GRM7: variants seen among roughly 807,000 people sequenced by gnomAD.
GRM7 encodes the protein metabotropic glutamate receptor 7.
GRM7 carries 35 observed loss-of-function variants against 84.5 expected under a neutral mutation model. That is an observed-to-expected ratio of 0.41 (90% CI 0.32 to 0.55). GRM7 has a LOEUF of 0.55. GRM7 is among the 20% of genes least tolerant of loss of function. The pLI is 0.19. For missense variants in GRM7, 1,003 were observed against 1,194.6 expected (o/e 0.84, Z 2.36); for synonymous variants, 487 against 455.1 (o/e 1.07, Z -0.89).
intron 8 of GRM7, among the ~76,000 whole-genome samples, chr3:7,602,200 G>A (rs3804877): frequency 0.17 from 25,564 of 151,914 alleles, 2,473 homozygotes; most frequent in Middle Eastern, 0.28. Context: ...CCTGGCTTTG[G>A]TGCCCTTGGA....
chr3:6,912,107 A>G (rs2125018612), intron 1 of GRM7, among the ~76,000 whole-genome samples: 1 of 152,268 alleles, frequency 6.6e-6, no homozygotes, highest in Non-Finnish European at 1.5e-5. Flanking sequence ...TTTCTTCTTA[A>G]GGTTATTAAG....
chr3:7,261,560 G>A (rs1376639945), intron 2 of GRM7, among the ~76,000 whole-genome samples: 8 of 152,082 alleles, frequency 5.3e-5, no homozygotes, highest in East Asian at 3.9e-4. Flanking sequence ...TTGCCACTGC[G>A]TGTCTTTTAA....
intron 7 of GRM7, among the ~76,000 whole-genome samples, chr3:7,520,589 A>T (rs1312103658): frequency 1.3e-5 from 2 of 152,150 alleles, no homozygotes; most frequent in African/African-American, 4.8e-5. Flanking sequence ...ACTGACTCTA[A>T]CACAAGTTCA....
rs556604040 is a variant in GRM7 at position 7,455,667 on chromosome 3, A to G, written c.1375+2860A>G. 2.4e-4 allele frequency among the ~76,000 whole-genome samples: 36 copies of G among 152,296 alleles called. No homozygotes were observed. In the East Asian group the frequency reaches 3.9e-3, roughly 16 times the overall value. On this transcript the variant is annotated intron_variant, in intron 6 of 9. Coordinates refer to ENST00000357716, the MANE Select transcript of GRM7 (RefSeq NM_000844.4). Reference sequence around the variant, plus strand: ...CAAAAGTGTCCAGGTCATGAGAATAATAGATAAAGGAACTGTTTCTGACTC... The same window carrying G: ...CAAAAGTGTCCAGGTCATGAGAATAGTAGATAAAGGAACTGTTTCTGACTC...
intron 1 of GRM7, among the ~76,000 whole-genome samples, chr3:6,889,502 G>A (rs534299628): frequency 7.2e-5 from 11 of 151,932 alleles, no homozygotes; most frequent in African/African-American, 2.4e-4. Context: ...TGTGGTTTTT[G>A]TCTTTGGTTC....
chr3:7,196,299 T>A (rs1695876900), intron 2 of GRM7, among the ~76,000 whole-genome samples: 1 of 152,094 alleles, frequency 6.6e-6, no homozygotes, highest in African/African-American at 2.4e-5. Context: ...CTACTCAAAG[T>A]CCACCCATTT....
intron 1 of GRM7, among the ~76,000 whole-genome samples, chr3:7,097,888 A>T (rs554803034): frequency 6.6e-6 from 1 of 152,092 alleles, no homozygotes; most frequent in Non-Finnish European, 1.5e-5. Context: ...CATACCTTTG[A>T]CTTGCAGAAA....
At chr3:7,124,250 C>A (rs1229042444) in intron 1 of GRM7, among the ~76,000 whole-genome samples, 1 of 152,128 alleles carries the variant, frequency 6.6e-6, no homozygotes, top group East Asian at 1.9e-4. Context: ...AAGAAACATT[C>A]CAGTTTCAGG....
chr3:7,121,375 A>G (rs981829585), intron 1 of GRM7, among the ~76,000 whole-genome samples: 1 of 138,794 alleles, frequency 7.2e-6, no homozygotes, highest in Admixed American at 7.1e-5. Flanking sequence ...CCATCCATCC[A>G]TCCATCCCCT....
At chr3:7,209,512 C>A (rs568018398) in intron 2 of GRM7, among the ~76,000 whole-genome samples, 162 of 152,028 alleles carry the variant, frequency 1.1e-3, no homozygotes, top group Non-Finnish European at 1.0e-3. Flanking sequence ...AGGTCATTGC[C>A]AGAAGATCAG....
chr3:7,675,275 G>A (rs1462908728), intron 8 of GRM7, among the ~76,000 whole-genome samples: 19 of 152,154 alleles, frequency 1.2e-4, no homozygotes, highest in South Asian at 2.1e-4. Flanking sequence ...AGAATATTCT[G>A]GTTTTCAAAG....
intron 1 of GRM7, among the ~76,000 whole-genome samples, chr3:6,930,105 A>G (rs1559334976): frequency 6.6e-6 from 1 of 152,154 alleles, no homozygotes; most frequent in Non-Finnish European, 1.5e-5. Context: ...TCCCAACCCT[A>G]CTGTTGACTT....
chr3:7,566,123 T>G lies in GRM7; in HGVS notation c.1516-12299T>G, dbSNP rs1182600077. 5.5e-3 allele frequency among the ~76,000 whole-genome samples: 567 copies of G among 103,260 alleles called. 6 individuals are homozygous for G. Among genetic ancestry groups the G allele is most frequent in the Middle Eastern group, 0.035 (6 of 172 alleles). 67.7% of individuals were successfully genotyped at this position (103,260 alleles called of 152,430 possible). A position where few individuals can be genotyped will look rare whatever the true frequency, so the allele number is the denominator to read the frequency against. On this transcript the variant is annotated intron_variant, in intron 7 of 9. Coordinates refer to ENST00000357716, the MANE Select transcript of GRM7 (RefSeq NM_000844.4). ...CAGCTGTTTTTTTTTTTTTTTTTTTTTTTTTTTTTGTAAAAGATCAGAGAG... is the reference window on the plus strand; with the variant it reads ...CAGCTGTTTTTTTTTTTTTTTTTTTGTTTTTTTTTGTAAAAGATCAGAGAG...
intron 2 of GRM7, among the ~76,000 whole-genome samples, chr3:7,202,009 T>C (rs977611769): frequency 1.1e-4 from 17 of 152,176 alleles, no homozygotes; most frequent in Non-Finnish European, 2.2e-4. Flanking sequence ...CATTTTTTTT[T>C]CAACCTTACA....
intron 1 of GRM7, among the ~76,000 whole-genome samples, chr3:6,873,726 A>G (rs1475462043): frequency 1.3e-5 from 2 of 152,270 alleles, no homozygotes; most frequent in African/African-American, 4.8e-5. Context: ...AGTTCCTGTC[A>G]TGCACCCTGT....
intron 6 of GRM7, among the ~76,000 whole-genome samples, chr3:7,456,370 C>T (rs773760543): frequency 4.6e-5 from 7 of 151,704 alleles, no homozygotes; most frequent in Middle Eastern, 3.2e-3. Flanking sequence ...TATTGTGTGC[C>T]AGAAACTGCT....
chr3:7,156,503 A>T (rs1374943336), intron 2 of GRM7, among the ~76,000 whole-genome samples: 2 of 152,142 alleles, frequency 1.3e-5, no homozygotes, highest in East Asian at 3.9e-4. Flanking sequence ...GCTGATTCTC[A>T]CTTTGACCGG....
At chr3:7,693,087 A>G (rs532755455) in intron 9 of GRM7, among the ~76,000 whole-genome samples, 1 of 151,974 alleles carries the variant, frequency 6.6e-6, no homozygotes, top group Non-Finnish European at 1.5e-5. Flanking sequence ...CCTGTTATAC[A>G]AAGAACATGG....
At chr3:7,626,388 G>A (rs906468707) in intron 8 of GRM7, among the ~76,000 whole-genome samples, 1 of 152,156 alleles carries the variant, frequency 6.6e-6, no homozygotes, top group African/African-American at 2.4e-5. Flanking sequence ...TCGCCATGTG[G>A]GCATCCTCTC....
Sources: allele counts gnomAD v4.1 joint callset (sites outside exome capture counted in the v4.1 genomes callset), GRCh38; gene constraint gnomAD v4.1.1; transcripts MANE v1.5; gene names NCBI Gene and HGNC (gene_info 2026-07-23, HGNC 2026-07-21).